Variants in NXPH1 observed in about 807,000 individuals in gnomAD.
NXPH1 encodes neurexophilin-1.
A neutral mutation model predicts 23.7 loss-of-function variants in NXPH1; 5 were observed. That is an observed-to-expected ratio of 0.21 (90% CI 0.11 to 0.44). NXPH1 has a LOEUF of 0.44. Among genes scored for constraint, NXPH1 ranks in the 20% least tolerant of loss-of-function variants. The pLI, the probability that NXPH1 is intolerant of heterozygous loss-of-function variation, is 0.99. For missense variants in NXPH1, 324 were observed against 321.6 expected, an observed-to-expected ratio of 1.01 and a Z score of -0.06; for synonymous variants, 144 against 122.2, an observed-to-expected ratio of 1.18 and a Z score of -1.18.
At chr7:8,539,853 C>T (rs1818085692) in intron 2 of NXPH1, among the ~76,000 whole-genome samples, 1 of 151,700 alleles carries the variant, frequency 6.6e-6, no homozygotes, top group African/African-American at 2.4e-5. Context: ...TTTTTCTCAT[C>T]TTTGATAACT....
At chr7:8,541,632 C>G (rs935768652) in intron 2 of NXPH1, among the ~76,000 whole-genome samples, 1 of 151,490 alleles carries the variant, frequency 6.6e-6, no homozygotes, top group African/African-American at 2.4e-5. Context: ...TAATTTAAAT[C>G]TCAAAAATTG....
intron 2 of NXPH1, among the ~76,000 whole-genome samples, chr7:8,458,310 G>T (rs1445679695): frequency 6.6e-6 from 1 of 152,166 alleles, no homozygotes; most frequent in Non-Finnish European, 1.5e-5. Context: ...TTCTAAGTGG[G>T]GGAAGGAAAC....
At chr7:8,652,690 C>G (rs972597695) in intron 2 of NXPH1, among the ~76,000 whole-genome samples, 1 of 152,126 alleles carries the variant, frequency 6.6e-6, no homozygotes, top group African/African-American at 2.4e-5. Context: ...GAATTAATCT[C>G]TATTTTCTTT....
intron 2 of NXPH1, among the ~76,000 whole-genome samples, chr7:8,600,357 C>A (rs1475862281): frequency 1.3e-5 from 2 of 152,164 alleles, no homozygotes; most frequent in African/African-American, 2.4e-5. Flanking sequence ...TATGCTTTTG[C>A]CCATTCAGTG....
chr7:8,628,018 G>A (rs950360698), intron 2 of NXPH1, among the ~76,000 whole-genome samples: 4 of 152,076 alleles, frequency 2.6e-5, no homozygotes, highest in Admixed American at 1.3e-4. Flanking sequence ...TCTTGGGTAC[G>A]TATGAGAATA....
At chr7:8,742,058 G>T (rs1451070563) in intron 2 of NXPH1, among the ~76,000 whole-genome samples, 1 of 152,032 alleles carries the variant, frequency 6.6e-6, no homozygotes, top group Non-Finnish European at 1.5e-5. Flanking sequence ...TGAAAACATG[G>T]GCACCACGTA....
Position 8,725,489 on chromosome 7 carries a change from C to CAA in NXPH1, c.55-25502_55-25501dup, listed in dbSNP as rs57404484. ...TGGGCAACAGAGTGAGATTCTGTCT[C>CAA]AAAAAAAAAAAAAAAAAATCCATCG... On this transcript the variant is annotated intron_variant, in intron 2 of 2. Coordinates refer to ENST00000405863, the MANE Select transcript of NXPH1 (RefSeq NM_152745.3). Among the ~76,000 whole-genome samples, 786 of 105,666 alleles carry CAA rather than the reference C, an allele frequency of 7.4e-3. 5 individuals carry two copies. The highest frequency in any genetic ancestry group is 0.013 in the South Asian group (39 of 3,108). The allele number at this position is 105,666 out of a possible 152,430, so 69.3% of individuals were successfully genotyped here. A position where few individuals can be genotyped will look rare whatever the true frequency, so the allele number is the denominator to read the frequency against.
At chr7:8,489,961 G>A (rs943296224) in intron 2 of NXPH1, among the ~76,000 whole-genome samples, 1 of 151,990 alleles carries the variant, frequency 6.6e-6, no homozygotes, top group Non-Finnish European at 1.5e-5. Context: ...TTACTCTATT[G>A]AGCCTATGTC....
chr7:8,745,323 G>T (rs548028090), intron 2 of NXPH1, among the ~76,000 whole-genome samples: 9 of 148,996 alleles, frequency 6.0e-5, no homozygotes, highest in African/African-American at 1.7e-4. Flanking sequence ...TCACATACTT[G>T]TTTTTTGTGT....
chr7:8,580,237 A>C (rs549916882), intron 2 of NXPH1, among the ~76,000 whole-genome samples: 3 of 152,302 alleles, frequency 2.0e-5, no homozygotes, highest in African/African-American at 7.2e-5. Flanking sequence ...GGTATGGGCA[A>C]AGGATAATGC....
At chr7:8,557,401 T>A (rs1284475482) in intron 2 of NXPH1, among the ~76,000 whole-genome samples, 1 of 151,656 alleles carries the variant, frequency 6.6e-6, no homozygotes, top group Non-Finnish European at 1.5e-5. Context: ...AGAAGGAGGC[T>A]TCCATGGTAT....
intron 2 of NXPH1, among the ~76,000 whole-genome samples, chr7:8,581,741 T>C (rs1327991943): frequency 3.3e-5 from 5 of 152,026 alleles, no homozygotes; most frequent in African/African-American, 9.7e-5. Flanking sequence ...AAATAGGAAA[T>C]TGTAGGTAAC....
At chr7:8,440,174 T>C (rs1374707138) in intron 2 of NXPH1, among the ~76,000 whole-genome samples, 1 of 152,224 alleles carries the variant, frequency 6.6e-6, no homozygotes. Context: ...TTTTAAGATG[T>C]ATTCCTGAGC....
At chr7:8,651,472 T>C (rs1238509127) in intron 2 of NXPH1, among the ~76,000 whole-genome samples, 2 of 150,370 alleles carry the variant, frequency 1.3e-5, no homozygotes, top group African/African-American at 4.9e-5. Flanking sequence ...TTTATAGTCC[T>C]TTGGGTATAT....
chr7:8,632,049 GA>G (rs1455044355), intron 2 of NXPH1, among the ~76,000 whole-genome samples: 5 of 152,136 alleles, frequency 3.3e-5, no homozygotes, highest in Non-Finnish European at 7.4e-5. Flanking sequence ...TAAAGATTTA[GA>G]GATTCCTGTA....
rs1256378466 is a variant in NXPH1 at position 8,716,995 on chromosome 7, C to T, written c.55-34013C>T. On this transcript the variant is annotated intron_variant, in intron 2 of 2. Transcript: ENST00000405863. ...GCTCTGGTGCCCCAGTACCCACCTTCATGTTGTATAGTTGTTAACCATTTT... is the reference window on the plus strand; with the variant it reads ...GCTCTGGTGCCCCAGTACCCACCTTTATGTTGTATAGTTGTTAACCATTTT... Among the ~76,000 whole-genome samples, 3 of 152,176 alleles carry T rather than the reference C, an allele frequency of 2.0e-5. No individual in the cohort carries two copies. In the South Asian group the frequency reaches 6.2e-4, roughly 32 times the overall value.
chr7:8,576,771 G>A (rs1203960816), intron 2 of NXPH1, among the ~76,000 whole-genome samples: 1 of 152,116 alleles, frequency 6.6e-6, no homozygotes, highest in Non-Finnish European at 1.5e-5. Context: ...CTTGTTCCTT[G>A]TACTGATGAT....
In NXPH1 at chr7:8,517,535, G is replaced by C. The variant is rs562276037; in HGVS notation, c.54+81768G>C. 9.3e-4 allele frequency among the ~76,000 whole-genome samples: 141 copies of C among 152,264 alleles called. 1 individual carries two copies. Among genetic ancestry groups the C allele is most frequent in the African/African-American group, 3.2e-3 (134 of 41,550 alleles). On this transcript the variant is annotated intron_variant, in intron 2 of 2. Transcript: ENST00000405863. ...AGTCTGGAGTGATCCTTGCACATCA[G>C]TGTTTGGTTATGTTGCTTAAGATCT... is the stretch of plus-strand genomic sequence containing the variant.
At chr7:8,441,604 C>T (rs1385098891) in intron 2 of NXPH1, among the ~76,000 whole-genome samples, 7 of 152,164 alleles carry the variant, frequency 4.6e-5, no homozygotes, top group Non-Finnish European at 7.3e-5. Context: ...CCAGCAATTT[C>T]CTGAGTTGGC....
Sources: gnomAD v4.1 joint callset for allele counts (sites outside exome capture counted in the v4.1 genomes callset) on GRCh38, gnomAD v4.1.1 for gene constraint, MANE v1.5 for transcripts, NCBI Gene and HGNC (gene_info 2026-07-23, HGNC 2026-07-21) for gene names.